Variants in SHC3 observed in about 807,000 individuals in gnomAD.
SHC3 encodes SHC adaptor protein 3.
SHC3 carries 15 observed loss-of-function variants against 60.4 expected under a neutral mutation model. That is an observed-to-expected ratio of 0.25 (90% CI 0.17 to 0.38). The LOEUF is 0.38. SHC3 is among the 10% of genes least tolerant of loss of function. SHC3 has a pLI of 1.00. For missense variants in SHC3, 677 were observed against 786.1 expected (o/e 0.86, Z 1.66); for synonymous variants, 294 against 325.9 (o/e 0.90, Z 1.05).
chr9:89,013,376 G>C lies in SHC3; in HGVS notation c.*71C>G, dbSNP rs1230897029. The C allele has an allele frequency of 1.0e-5, 14 of 1,401,178 alleles. No homozygotes were observed. Among genetic ancestry groups the C allele is most frequent in the Non-Finnish European group, 1.3e-5 (14 of 1,070,458 alleles). 86.8% of individuals were successfully genotyped at this position (1,401,178 alleles called of 1,614,324 possible). A position where few individuals can be genotyped will look rare whatever the true frequency, so the allele number is the denominator to read the frequency against. On this transcript the variant is annotated 3_prime_UTR_variant, in exon 12 of 12. Coordinates refer to ENST00000375835, the MANE Select transcript of SHC3 (RefSeq NM_016848.6). ...GCCACAGGCAGCTGTCCCAGTTCCA[G>C]CAGCCCCGATTCTAGTCCACTCCAG...
At chr9:89,167,881 G>A (rs1247893941) in intron 1 of SHC3, among the ~76,000 whole-genome samples, 5 of 152,220 alleles carry the variant, frequency 3.3e-5, no homozygotes, top group South Asian at 2.1e-4. Context: ...GCCTCTGGCT[G>A]TGACTCAAAA....
chr9:89,055,618 G>T (rs1824936532), intron 6 of SHC3, among the ~76,000 whole-genome samples: 1 of 152,186 alleles, frequency 6.6e-6, no homozygotes, highest in African/African-American at 2.4e-5. Flanking sequence ...AGACAGCAGG[G>T]CCTTGCACCA....
At chr9:89,126,219 C>T (rs1564163344) in intron 1 of SHC3, among the ~76,000 whole-genome samples, 1 of 152,128 alleles carries the variant, frequency 6.6e-6, no homozygotes, top group Non-Finnish European at 1.5e-5. Flanking sequence ...CTTAGAGGAG[C>T]TAGAGACTCT....
intron 1 of SHC3, among the ~76,000 whole-genome samples, chr9:89,159,486 G>A (rs902974425): frequency 1.3e-5 from 2 of 152,162 alleles, no homozygotes; most frequent in African/African-American, 2.4e-5. Context: ...AAGGAGCTCC[G>A]TTCTGCCGGG....
chr9:89,035,854 T>TATATATATATA (rs1376173933), intron 11 of SHC3, among the ~76,000 whole-genome samples: 3 of 73,856 alleles, frequency 4.1e-5, no homozygotes, highest in Admixed American at 2.7e-4. Flanking sequence ...TATATAGATG[T>TATATATATATA]GTGTGTGTGT....
chr9:89,118,465 T>C (rs1468393753), intron 1 of SHC3, among the ~76,000 whole-genome samples: 3 of 151,968 alleles, frequency 2.0e-5, no homozygotes, highest in Admixed American at 1.3e-4. Context: ...AAAGAAATAT[T>C]CAAATATCAG....
Position 89,140,476 on chromosome 9 carries a change from G to T in SHC3, c.475-27850C>A, listed in dbSNP as rs144704933. On this transcript the variant is annotated intron_variant, in intron 1 of 11. Coordinates refer to ENST00000375835, the MANE Select transcript of SHC3 (RefSeq NM_016848.6). Reference sequence around the variant, plus strand: ...GGCGCATCTCCATACTTCCTAGGTGGCCAAGAGCATGTGTTTCTTATCCAA... The same window carrying T: ...GGCGCATCTCCATACTTCCTAGGTGTCCAAGAGCATGTGTTTCTTATCCAA... Among the ~76,000 whole-genome samples, 343 of 152,224 alleles carry T rather than the reference G, an allele frequency of 2.3e-3. 1 individual carries two copies. Among genetic ancestry groups the T allele is most frequent in the Middle Eastern group, 0.02 (6 of 294 alleles).
In SHC3 at chr9:89,105,081, G is replaced by T. The variant is rs918033762; in HGVS notation, c.545+7475C>A. The stretch of plus-strand genomic sequence containing the variant: ...CAGCCGACTGCAAGTGCCTCTCACA[G>T]ACTCTAACCTTACACTCATTTTCTT... On this transcript the variant is annotated intron_variant, in intron 2 of 11. Transcript: ENST00000375835. Among the ~76,000 whole-genome samples the T allele has an allele frequency of 9.2e-5, 14 of 152,234 alleles. No individual in the cohort carries two copies. In the South Asian group the frequency reaches 1.2e-3, roughly 14 times the overall value.
chr9:89,110,322 A>C (rs1825927960), intron 2 of SHC3: 7 of 984,674 alleles, frequency 7.1e-6, no homozygotes, highest in Non-Finnish European at 8.4e-6. Context: ...TTTTTAATAA[A>C]AGGTGTGACT....
intron 2 of SHC3, among the ~76,000 whole-genome samples, chr9:89,102,740 G>A (rs912406403): frequency 3.9e-5 from 6 of 152,130 alleles, no homozygotes; most frequent in African/African-American, 1.4e-4. Flanking sequence ...TACCATTGGT[G>A]AGAAAAAAAC....
chr9:89,065,706 C>A (rs906474174), intron 5 of SHC3, 126 bp from the exon 6 acceptor site: 27 of 921,274 alleles, frequency 2.9e-5, no homozygotes, highest in Non-Finnish European at 4.3e-5. Context: ...GAATCAAATG[C>A]TGCCTAAGAA....
At chr9:89,037,972 C>T in intron 11 of SHC3, 21 bp downstream of exon 11, 1 of 1,601,722 alleles carries the variant, frequency 6.2e-7, no homozygotes, top group South Asian at 1.1e-5. Context: ...AGGTCCGGCC[C>T]CACCCCCACT....
intron 1 of SHC3, among the ~76,000 whole-genome samples, chr9:89,143,635 G>T (rs566689806): frequency 1.3e-5 from 2 of 152,252 alleles, no homozygotes; most frequent in Admixed American, 1.3e-4. Flanking sequence ...AGAGACAGAG[G>T]GATGGGGGTC....
At chr9:89,048,732 A>G (rs1176948951) in intron 7 of SHC3, among the ~76,000 whole-genome samples, 1 of 152,152 alleles carries the variant, frequency 6.6e-6, no homozygotes, top group African/African-American at 2.4e-5. Flanking sequence ...GTCCCCAGAG[A>G]ATGGGGCTGG....
At chr9:89,077,765 T>A in intron 3 of SHC3, 75 bp downstream of exon 3, 1 of 1,536,670 alleles carries the variant, frequency 6.5e-7, no homozygotes, top group Non-Finnish European at 9.0e-7. Context: ...TAATTCTGTG[T>A]GACTGAAGAT....
intron 11 of SHC3, among the ~76,000 whole-genome samples, chr9:89,035,851 ATGTGTG>A (rs34601277): frequency 0.033 from 4,232 of 128,292 alleles, 267 homozygotes; most frequent in African/African-American, 0.11. Flanking sequence ...ATATATATAG[ATGTGTG>A]TGTGTGTGTG....
chr9:89,089,098 G>A (rs1461516012), intron 2 of SHC3, among the ~76,000 whole-genome samples: 2 of 152,160 alleles, frequency 1.3e-5, no homozygotes, highest in Non-Finnish European at 2.9e-5. Context: ...CCTTCGAGAG[G>A]TATTTCCCCT....
At chr9:89,039,345 A>G (rs1031392898) in intron 10 of SHC3, among the ~76,000 whole-genome samples, 9 of 152,220 alleles carry the variant, frequency 5.9e-5, no homozygotes, top group African/African-American at 2.2e-4. Context: ...GAGGTGAGTA[A>G]ATGAAACTAA....
At chr9:89,016,708 A>C (rs9410441) in intron 11 of SHC3, among the ~76,000 whole-genome samples, 2 of 152,068 alleles carry the variant, frequency 1.3e-5, no homozygotes, top group Non-Finnish European at 2.9e-5. Flanking sequence ...CCAAACAAAG[A>C]CATTAAAAGA....
Sources: gnomAD v4.1 joint callset for allele counts (sites outside exome capture counted in the v4.1 genomes callset) on GRCh38, gnomAD v4.1.1 for gene constraint, MANE v1.5 for transcripts, NCBI Gene and HGNC (gene_info 2026-07-23, HGNC 2026-07-21) for gene names.